The following GRIK2 variants were observed in gnomAD, a reference collection of about 807,000 sequenced individuals.
GRIK2 encodes the protein glutamate ionotropic receptor kainate type subunit 2, also known as glutamate receptor ionotropic, kainate 2.
A neutral mutation model predicts 100.3 loss-of-function variants in GRIK2; 32 were observed. That is an observed-to-expected ratio of 0.32 (90% CI 0.24 to 0.43). GRIK2 has a LOEUF of 0.43. Ranked by LOEUF, GRIK2 falls within the 20% of genes least tolerant of loss-of-function variation. GRIK2 has a pLI of 1.00. For synonymous variants in GRIK2, 417 were observed against 389.4 expected (o/e 1.07, Z -0.83); for missense variants, 843 against 1,114.9 (o/e 0.76, Z 3.47).
chr6:101,718,757 A>G (rs1187240008), intron 7 of GRIK2, among the ~76,000 whole-genome samples: 1 of 151,904 alleles, frequency 6.6e-6, no homozygotes, highest in Non-Finnish European at 1.5e-5. Flanking sequence ...CAGAGAGGTC[A>G]CTTGGGTTTG....
At chr6:101,874,592 T>A (rs1348247282) in intron 11 of GRIK2, among the ~76,000 whole-genome samples, 2 of 152,114 alleles carry the variant, frequency 1.3e-5, no homozygotes, top group African/African-American at 4.8e-5. Context: ...TCTTTTTTGG[T>A]GCCATATGAA....
chr6:102,027,432 T>C (rs1769762408), intron 14 of GRIK2, among the ~76,000 whole-genome samples: 1 of 151,222 alleles, frequency 6.6e-6, no homozygotes. Flanking sequence ...TTCAGATTAC[T>C]TCAAGATATT....
At chr6:101,906,496 G>A (rs960712753) in intron 12 of GRIK2, among the ~76,000 whole-genome samples, 6 of 151,312 alleles carry the variant, frequency 4.0e-5, no homozygotes, top group East Asian at 3.9e-4. Context: ...AAATGCAAAC[G>A]TAATGCATGT....
intron 7 of GRIK2, among the ~76,000 whole-genome samples, chr6:101,689,720 A>G (rs976644594): frequency 5.3e-5 from 8 of 152,070 alleles, no homozygotes; most frequent in African/African-American, 1.9e-4. Context: ...TCTTTTACAC[A>G]TGAGGGTTTT....
intron 14 of GRIK2, among the ~76,000 whole-genome samples, chr6:102,033,908 G>C (rs1770127151): frequency 6.6e-6 from 1 of 151,368 alleles, no homozygotes. Flanking sequence ...CATTTGTAAA[G>C]GATACAGTAG....
At chr6:101,638,114 G>C (rs1408634789) in intron 4 of GRIK2, among the ~76,000 whole-genome samples, 1 of 151,584 alleles carries the variant, frequency 6.6e-6, no homozygotes, top group East Asian at 1.9e-4. Context: ...GAGTGATGCT[G>C]TCCTGGTCAT....
intron 2 of GRIK2, among the ~76,000 whole-genome samples, chr6:101,536,766 T>C (rs984648360): frequency 3.3e-5 from 5 of 151,760 alleles, no homozygotes; most frequent in African/African-American, 1.2e-4. Context: ...TATCAAAATT[T>C]TCCTTCAGTG....
At chr6:101,589,147 A>C (rs988858448) in intron 2 of GRIK2, among the ~76,000 whole-genome samples, 1 of 152,126 alleles carries the variant, frequency 6.6e-6, no homozygotes, top group Non-Finnish European at 1.5e-5. Context: ...TGAACAGGTA[A>C]TTAGCAACAG....
At chr6:101,652,441 G>A (rs1199111007) in intron 4 of GRIK2, among the ~76,000 whole-genome samples, 1 of 152,082 alleles carries the variant, frequency 6.6e-6, no homozygotes, top group African/African-American at 2.4e-5. Context: ...AGAACTGTAG[G>A]AAATATCTGT....
intron 7 of GRIK2, among the ~76,000 whole-genome samples, chr6:101,717,291 A>T (rs1774140174): frequency 6.6e-6 from 1 of 151,722 alleles, no homozygotes; most frequent in Non-Finnish European, 1.5e-5. Flanking sequence ...GGAGAAAGTA[A>T]ACTGCCTTTC....
intron 2 of GRIK2, among the ~76,000 whole-genome samples, chr6:101,522,582 T>G (rs2128281886): frequency 6.6e-6 from 1 of 152,218 alleles, no homozygotes; most frequent in Admixed American, 6.5e-5. Context: ...TTTAAAGTAC[T>G]TATTTCTGGA....
chr6:101,934,700 G>A (rs767535933), intron 14 of GRIK2, among the ~76,000 whole-genome samples: 1 of 151,774 alleles, frequency 6.6e-6, no homozygotes, highest in Non-Finnish European at 1.5e-5. Flanking sequence ...AAACAGAATT[G>A]TTGTCCGTTT....
intron 1 of GRIK2, among the ~76,000 whole-genome samples, chr6:101,395,943 G>A (rs1314284393): frequency 6.6e-6 from 1 of 152,112 alleles, no homozygotes. Context: ...TGAGACCATA[G>A]AATAAAATAT....
chr6:101,546,845 T>C (rs1226623146), intron 2 of GRIK2, among the ~76,000 whole-genome samples: 6 of 116,932 alleles, frequency 5.1e-5, no homozygotes, highest in Non-Finnish European at 1.1e-4. Context: ...TTTTTTTTTT[T>C]TTGGAGACGG....
chr6:101,841,093 A>G (rs1475776778), intron 10 of GRIK2, among the ~76,000 whole-genome samples: 5 of 151,556 alleles, frequency 3.3e-5, no homozygotes, highest in African/African-American at 1.2e-4. Context: ...CAAGTATGAT[A>G]CTCCCTGACC....
chr6:101,737,303 G>C (rs988199096), intron 7 of GRIK2, among the ~76,000 whole-genome samples: 1 of 152,092 alleles, frequency 6.6e-6, no homozygotes, highest in Non-Finnish European at 1.5e-5. Context: ...CCAATTTACA[G>C]TATTAGTTTG....
chr6:101,982,890 CTT>C (rs925299763), intron 14 of GRIK2, among the ~76,000 whole-genome samples: 1 of 151,678 alleles, frequency 6.6e-6, no homozygotes, highest in African/African-American at 2.4e-5. Context: ...TGGCTCCTCT[CTT>C]TACTTCCACA....
chr6:101,948,469 A>C (rs1381907230), intron 14 of GRIK2, among the ~76,000 whole-genome samples: 1 of 147,550 alleles, frequency 6.8e-6, no homozygotes, highest in Non-Finnish European at 1.5e-5. Context: ...ACACACATAT[A>C]TAGTTATAGT....
chr6:102,049,213 A>C (rs1771049621), intron 15 of GRIK2, among the ~76,000 whole-genome samples: 1 of 152,180 alleles, frequency 6.6e-6, no homozygotes, highest in African/African-American at 2.4e-5. Context: ...CCTACAAAAA[A>C]TACAAATTGG....
Sources: allele counts gnomAD v4.1 joint callset (sites outside exome capture counted in the v4.1 genomes callset), GRCh38; gene constraint gnomAD v4.1.1; transcripts MANE v1.5; gene names NCBI Gene and HGNC (gene_info 2026-07-23, HGNC 2026-07-21).